LRTM2: variants seen among roughly 807,000 people sequenced by gnomAD.
LRTM2 encodes the protein leucine-rich repeat and transmembrane domain-containing protein 2.
In LRTM2, 18 loss-of-function variants were observed where a neutral mutation model predicts 28.1. That is an observed-to-expected ratio of 0.64 (90% CI 0.44 to 0.95). LRTM2 has a LOEUF of 0.95. LRTM2 is among the 40% of genes least tolerant of loss of function. The pLI, the probability that LRTM2 is intolerant of heterozygous loss-of-function variation, is 0.00. For missense variants in LRTM2, 436 were observed against 497.2 expected (o/e 0.88, Z 1.17); for synonymous variants, 250 against 218.7 (o/e 1.14, Z -1.26).
chr12:1,829,763 T>C lies in LRTM2; in HGVS notation c.68-1172T>C, dbSNP rs1864535188. 6.7e-6 allele frequency among the ~76,000 whole-genome samples: 1 copy of C among 148,936 alleles called. No homozygotes were observed. Among genetic ancestry groups the C allele is most frequent in the Non-Finnish European group, 1.5e-5 (1 of 67,268 alleles). On this transcript the variant is annotated intron_variant, in intron 3 of 4. Transcript: ENST00000299194. The surrounding 1 kb of genome is among the most constrained non-coding windows in gnomAD (Gnocchi z 4.2). ...GTGGGCCGATGGGCTGTGAGCTGGG[T>C]CTGAACTTCTCCATCAGTTCTCTGG...
At chr12:1,831,747 A>ACCCCCCCCCCCCCCCCCCCTCCC (rs1555178968) in intron 4 of LRTM2, among the ~76,000 whole-genome samples, 1 of 114,312 alleles carries the variant, frequency 8.7e-6, no homozygotes, top group Non-Finnish European at 1.8e-5. Flanking sequence ...TGCTCCCTCC[A>ACCCCCCCCCCCCCCCCCCCTCCC]CCCCCACCCT....
In LRTM2 at chr12:1,830,885, TG is replaced by T. The variant is rs751469693; in HGVS notation, c.68-48del. 23 of 1,442,850 alleles carry T rather than the reference TG, an allele frequency of 1.6e-5. No individual in the cohort carries two copies. The Admixed American group carries it at 3.9e-4, about 24-fold the overall frequency. 89.4% of individuals were successfully genotyped at this position (1,442,850 alleles called of 1,614,324 possible). On this transcript the variant is annotated intron_variant, in intron 3 of 4. Coordinates refer to ENST00000299194, the MANE Select transcript of LRTM2 (RefSeq NM_001039029.3). ...GAAAGGAGGGAAGAGAAGCAGGAGGTGGTGACCCGTCCTATTGCTTTCTTTC... is the reference window on the plus strand; with the variant it reads ...GAAAGGAGGGAAGAGAAGCAGGAGGTGTGACCCGTCCTATTGCTTTCTTTC...
chr12:1,826,406 C>CG (rs924965935), intron 1 of LRTM2, among the ~76,000 whole-genome samples: 11 of 56,922 alleles, frequency 1.9e-4, no homozygotes, highest in Non-Finnish European at 4.3e-4. Context: ...CAGAGCCCCC[C>CG]CCCCCCCCCC....
rs1592695168 is a variant in LRTM2, at chr12:1,833,510, A to T, written c.659-757A>T. On this transcript the variant is annotated intron_variant, in intron 4 of 4. Coordinates refer to ENST00000299194, the MANE Select transcript of LRTM2 (RefSeq NM_001039029.3). This position sits in a 1 kb window ranked among gnomAD's most constrained non-coding sequence, Gnocchi z 4.2. ...CGAGCCCGTGCGCCCAGGTACCCAC[A>T]CCTCCTCATCAACACCAGCCTCCTC... 6.6e-6 allele frequency among the ~76,000 whole-genome samples: 1 copy of T among 151,276 alleles called. No homozygotes were observed. Among genetic ancestry groups the T allele is most frequent in the African/African-American group, 2.4e-5 (1 of 41,046 alleles).
chr12:1,826,897 G>A (rs1592682952), intron 1 of LRTM2, among the ~76,000 whole-genome samples: 1 of 152,206 alleles, frequency 6.6e-6, no homozygotes, highest in Admixed American at 6.5e-5. Context: ...GAAGCTTCTC[G>A]GCAGCTCCAT....
chr12:1,824,638 G>A (rs1185316281), intron 1 of LRTM2, among the ~76,000 whole-genome samples: 2 of 152,244 alleles, frequency 1.3e-5, no homozygotes, highest in Non-Finnish European at 2.9e-5. Flanking sequence ...ACCCTGGGTA[G>A]GGACTTCCCT....
intron 1 of LRTM2, among the ~76,000 whole-genome samples, chr12:1,825,690 G>A (rs1864285058): frequency 6.6e-6 from 1 of 152,218 alleles, no homozygotes. Context: ...CACGTGCTGT[G>A]TACAGAGCTC....
chr12:1,821,709 C>T (rs985183021), intron 1 of LRTM2, among the ~76,000 whole-genome samples: 2 of 152,136 alleles, frequency 1.3e-5, no homozygotes, highest in African/African-American at 2.4e-5. Flanking sequence ...CAGTTGCTCT[C>T]AATCCCCCAG....
chr12:1,830,325 G>C (rs77248431), intron 3 of LRTM2, among the ~76,000 whole-genome samples: 1,603 of 152,344 alleles, frequency 0.011, 36 homozygotes, highest in South Asian at 0.06. Flanking sequence ...GTGTGGGATT[G>C]ATGGAAACAT....
chr12:1,821,614 C>G (rs1440851080), intron 1 of LRTM2, among the ~76,000 whole-genome samples: 1 of 152,148 alleles, frequency 6.6e-6, no homozygotes, highest in Admixed American at 6.5e-5. Context: ...GGACACTGAG[C>G]TTGGGTGGGG....
At position 1,828,203 on chromosome 12, in the gene LRTM2, A is replaced by ACTGC; in HGVS notation, c.55_56insCTGC (p.Arg19ThrfsTer29). On this transcript the variant is annotated frameshift_variant, in exon 3 of 5. Transcript: ENST00000299194. LOFTEE classifies it high-confidence loss of function. This position sits in a 1 kb window ranked among gnomAD's most constrained non-coding sequence, Gnocchi z 4.2. ...GAGGGGCAGGCTCGCCCTGCAGTGG[A>ACTGC]GGCAAGTCTCCTGTGAGTACACCCC... is the stretch of plus-strand genomic sequence containing the variant. 1 of 1,546,110 alleles carries ACTGC rather than the reference A, an allele frequency of 6.5e-7. No individual in the cohort carries two copies. The highest frequency in any genetic ancestry group is 8.7e-7 in the Non-Finnish European group (1 of 1,144,964).
Position 1,834,549 on chromosome 12 carries a change from C to T in LRTM2, c.941C>T (p.Ala314Val), listed in dbSNP as rs1379718570. The T allele has an allele frequency of 1.2e-6, 2 of 1,603,750 alleles. No individual in the cohort carries two copies. Among genetic ancestry groups the T allele is most frequent in the Non-Finnish European group, 1.7e-6 (2 of 1,179,924 alleles). ...CGAGCCATGGGCACGGTGATCATTGCAGGGGTCGTGTGCGGCGTCGTCTGC... is the reference window on the plus strand; with the variant it reads ...CGAGCCATGGGCACGGTGATCATTGTAGGGGTCGTGTGCGGCGTCGTCTGC... ...VRRAMGTVII[A>V]GVVCGVVCIM... The change falls in exon 5 of 5, where the codon GCA becomes GTA. Residue 314 changes from alanine (A) to valine (V), a missense_variant. By Grantham distance (64) the Ala-to-Val change is moderately conservative. Transcript: ENST00000299194. The surrounding 1 kb of genome is among the most constrained non-coding windows in gnomAD (Gnocchi z 7.6).
At chr12:1,830,597 G>A (rs1377886291) in intron 3 of LRTM2, among the ~76,000 whole-genome samples, 1 of 152,164 alleles carries the variant, frequency 6.6e-6, no homozygotes, top group African/African-American at 2.4e-5. Context: ...AGATGACTGT[G>A]GGAGGCCCTG....
rs142134545 is a variant in LRTM2 at position 1,834,565 on chromosome 12, C to T, written c.957C>T (p.Gly319=). 5.3e-4 allele frequency: 854 copies of T among 1,601,854 alleles called. 4 individuals are homozygous for T. The African/African-American group carries it at 0.01, about 19-fold the overall frequency. The change falls in exon 5 of 5, where the codon GGC becomes GGT. Residue 319 remains glycine, a synonymous_variant. Coordinates refer to ENST00000299194, the MANE Select transcript of LRTM2 (RefSeq NM_001039029.3). This position sits in a 1 kb window ranked among gnomAD's most constrained non-coding sequence, Gnocchi z 7.6. ...GTVIIAGVVC[G]VVCIMMVVAA... is the part of the protein sequence containing the mutation. ...TGATCATTGCAGGGGTCGTGTGCGG[C>T]GTCGTCTGCATCATGATGGTGGTGG...
At position 1,834,670 on chromosome 12, in the gene LRTM2, G is replaced by A. The variant is rs1296228468; in HGVS notation, c.1062G>A (p.Gly354=). Residue 354 remains glycine (G), a synonymous_variant, in exon 5 of 5, where the codon GGG becomes GGA. Transcript: ENST00000299194. The surrounding 1 kb of genome is among the most constrained non-coding windows in gnomAD (Gnocchi z 7.6). ...RELKKRQPLM[G]DPEGEHEDQK... ...TCAAAAAGCGCCAGCCCCTGATGGG[G>A]GACCCCGAGGGCGAGCACGAGGACC... is the stretch of plus-strand genomic sequence containing the variant. 3 of 1,601,618 alleles carry A rather than the reference G, an allele frequency of 1.9e-6. No homozygotes were observed. Among genetic ancestry groups the A allele is most frequent in the Non-Finnish European group, 1.7e-6 (2 of 1,179,544 alleles).
chr12:1,834,591 C>T lies in LRTM2; in HGVS notation c.983C>T (p.Ala328Val). 6.2e-7 allele frequency: 1 copy of T among 1,600,432 alleles called. No homozygotes were observed. Among genetic ancestry groups the T allele is most frequent in the Non-Finnish European group, 8.5e-7 (1 of 1,179,918 alleles). Residue 328 changes from alanine (A) to valine (V), a missense_variant, in exon 5 of 5, where the codon GCC becomes GTC. Ala to Val is a moderately conservative substitution (Grantham distance 64, BLOSUM62 0). Transcript: ENST00000299194. This position sits in a 1 kb window ranked among gnomAD's most constrained non-coding sequence, Gnocchi z 7.6. ...CGVVCIMMVV[A>V]AAYGCIYASL... ...GTCGTCTGCATCATGATGGTGGTGG[C>T]CGCTGCCTATGGCTGCATCTACGCC...
rs1437973503 is a variant in LRTM2, at chr12:1,831,297, C to T, written c.430C>T (p.His144Tyr). 1.2e-6 allele frequency: 2 copies of T among 1,613,774 alleles called. No homozygotes were observed. ...DLLRHSPLLRHLDLSINGLAQ... is the reference protein window; with the variant it reads ...DLLRHSPLLRYLDLSINGLAQ... ...GCTGCGGCACTCGCCGCTGCTCCGC[C>T]ACCTGGACCTGTCCATCAACGGCCT... The change falls in exon 4 of 5, where the codon CAC becomes TAC. Residue 144 changes from histidine to tyrosine, a missense_variant. By Grantham distance (83) the His-to-Tyr change is moderately conservative. Coordinates refer to ENST00000299194, the MANE Select transcript of LRTM2 (RefSeq NM_001039029.3).
At position 1,833,705 on chromosome 12, in the gene LRTM2, G is replaced by A. The variant is rs1864730057; in HGVS notation, c.659-562G>A. On this transcript the variant is annotated intron_variant, in intron 4 of 4. Coordinates refer to ENST00000299194, the MANE Select transcript of LRTM2 (RefSeq NM_001039029.3). The surrounding 1 kb of genome is among the most constrained non-coding windows in gnomAD (Gnocchi z 4.2). ...CAGGAAGGGAGCTGCCCATTCTTAG[G>A]CAACCAAAAGGTCTTGCGTGGAGGG... Among the ~76,000 whole-genome samples the A allele has an allele frequency of 6.6e-6, 1 of 152,202 alleles. No individual in the cohort carries two copies. Among genetic ancestry groups the A allele is most frequent in the Non-Finnish European group, 1.5e-5 (1 of 68,034 alleles).
chr12:1,825,618 G>A (rs912146446), intron 1 of LRTM2, among the ~76,000 whole-genome samples: 3 of 152,228 alleles, frequency 2.0e-5, no homozygotes, highest in Non-Finnish European at 4.4e-5. Flanking sequence ...GTGCAAGCAT[G>A]TGGGCACATG....
Sources: gnomAD v4.1 joint callset for allele counts (sites outside exome capture counted in the v4.1 genomes callset) on GRCh38, gnomAD v4.1.1 for gene constraint, Gnocchi (gnomAD v3.1) non-coding constraint, MANE v1.5 for transcripts, NCBI Gene and HGNC (gene_info 2026-07-23, HGNC 2026-07-21) for gene names.